Variants in CNTNAP2 observed in about 807,000 individuals in gnomAD.
CNTNAP2 encodes contactin associated protein 2.
A neutral mutation model predicts 155.2 loss-of-function variants in CNTNAP2; 98 were observed. That is an observed-to-expected ratio of 0.63 (90% CI 0.54 to 0.75). The LOEUF (loss-of-function observed/expected upper bound fraction) is 0.75. Ranked by LOEUF, CNTNAP2 falls within the 30% of genes least tolerant of loss-of-function variation. The pLI, the probability that CNTNAP2 is intolerant of heterozygous loss-of-function variation, is 0.00. For synonymous variants in CNTNAP2, 651 were observed against 631.2 expected (o/e 1.03, Z -0.47); for missense variants, 1,727 against 1,688.1 (o/e 1.02, Z -0.40).
intron 9 of CNTNAP2, among the ~76,000 whole-genome samples, chr7:147,301,337 T>G (rs1455573628): frequency 6.6e-6 from 1 of 152,186 alleles, no homozygotes; most frequent in East Asian, 1.9e-4. Context: ...AACTAATACA[T>G]TATGAGGACA....
At chr7:147,814,251 A>C (rs1798230821) in intron 13 of CNTNAP2, among the ~76,000 whole-genome samples, 1 of 152,204 alleles carries the variant, frequency 6.6e-6, no homozygotes, top group Non-Finnish European at 1.5e-5. Flanking sequence ...AAAGCTAAAC[A>C]AGGCATAAAA....
chr7:147,277,240 G>T (rs906609436), intron 8 of CNTNAP2, among the ~76,000 whole-genome samples: 3 of 151,800 alleles, frequency 2.0e-5, no homozygotes, highest in African/African-American at 7.3e-5. Flanking sequence ...ATATAAATAG[G>T]AACATTTAAG....
At chr7:146,296,186 A>G (rs1234830293) in intron 1 of CNTNAP2, among the ~76,000 whole-genome samples, 1 of 152,170 alleles carries the variant, frequency 6.6e-6, no homozygotes, top group African/African-American at 2.4e-5. Context: ...CCAGCAGAAC[A>G]GCGGACCCCA....
At chr7:147,493,023 T>A (rs1205718310) in intron 11 of CNTNAP2, among the ~76,000 whole-genome samples, 1 of 152,202 alleles carries the variant, frequency 6.6e-6, no homozygotes, top group Non-Finnish European at 1.5e-5. Flanking sequence ...CTTTTTAAAT[T>A]CAGAAAATGT....
chr7:147,478,047 G>A (rs1033814658), intron 10 of CNTNAP2, among the ~76,000 whole-genome samples: 1 of 152,158 alleles, frequency 6.6e-6, no homozygotes, highest in Non-Finnish European at 1.5e-5. Flanking sequence ...AATGTATTAT[G>A]TCATAATAAG....
At position 148,418,176 on chromosome 7, in the gene CNTNAP2, T is replaced by C. The variant is rs1800036789; in HGVS notation, c.*2560T>C. On this transcript the variant is annotated 3_prime_UTR_variant, in exon 24 of 24. Coordinates refer to ENST00000361727, the MANE Select transcript of CNTNAP2 (RefSeq NM_014141.6). ...TAACAAAAATCCCTACATCTGTTTA[T>C]GAAGGCCATATTCAGTACATTTTAA... The C allele has an allele frequency of 1.3e-5, 2 of 152,242 alleles. No individual in the cohort carries two copies. The highest frequency in any genetic ancestry group is 4.1e-4 in the South Asian group (2 of 4,836). 9.4% of individuals were successfully genotyped at this position (152,242 alleles called of 1,614,324 possible). A position where few individuals can be genotyped will look rare whatever the true frequency, so the allele number is the denominator to read the frequency against.
chr7:148,253,027 T>C (rs182421525), intron 20 of CNTNAP2, among the ~76,000 whole-genome samples: 27 of 114,942 alleles, frequency 2.3e-4, no homozygotes, highest in Non-Finnish European at 2.0e-4. Flanking sequence ...GATAGATAGA[T>C]AGATAGATAG....
chr7:146,826,865 G>GAGAGAGAGAGAGAGAGAGAGAGAC (rs1563248337), intron 2 of CNTNAP2, among the ~76,000 whole-genome samples: 14 of 150,810 alleles, frequency 9.3e-5, no homozygotes, highest in African/African-American at 3.4e-4. Context: ...TATAGAGAGA[G>GAGAGAGAGAGAGAGAGAGAGAGAC]AGAGAGAGAG....
intron 11 of CNTNAP2, among the ~76,000 whole-genome samples, chr7:147,504,430 G>T (rs7797732): frequency 0.49 from 74,086 of 151,806 alleles, 18,832 homozygotes; most frequent in Non-Finnish European, 0.57. Flanking sequence ...GGCTCACTTC[G>T]GTAATCCCAG....
At chr7:146,678,357 A>G (rs1327309276) in intron 1 of CNTNAP2, among the ~76,000 whole-genome samples, 2 of 152,172 alleles carry the variant, frequency 1.3e-5, no homozygotes, top group Non-Finnish European at 2.9e-5. Flanking sequence ...TACAGGCATC[A>G]GCTACCACAC....
chr7:148,336,250 C>G (rs1185583923), intron 21 of CNTNAP2, among the ~76,000 whole-genome samples: 1 of 151,976 alleles, frequency 6.6e-6, no homozygotes, highest in Non-Finnish European at 1.5e-5. Flanking sequence ...CAAGATAGCA[C>G]CTTAATTCTA....
At chr7:147,189,054 C>T (rs1204490661) in intron 8 of CNTNAP2, among the ~76,000 whole-genome samples, 1 of 152,142 alleles carries the variant, frequency 6.6e-6, no homozygotes, top group Non-Finnish European at 1.5e-5. Context: ...GAAAACAGAA[C>T]ACTTGACAAC....
intron 1 of CNTNAP2, among the ~76,000 whole-genome samples, chr7:146,696,877 T>G (rs897495685): frequency 3.3e-5 from 5 of 152,228 alleles, no homozygotes; most frequent in Non-Finnish European, 7.3e-5. Context: ...AACAGTATAC[T>G]TTAAATAACT....
intron 9 of CNTNAP2, among the ~76,000 whole-genome samples, chr7:147,337,488 G>A (rs1795684965): frequency 6.6e-6 from 1 of 152,270 alleles, no homozygotes; most frequent in Admixed American, 6.5e-5. Context: ...AAGTGAGAAA[G>A]GGGCCATATG....
At chr7:147,051,771 TA>T (rs112212406) in intron 4 of CNTNAP2, among the ~76,000 whole-genome samples, 9,815 of 152,134 alleles carry the variant, frequency 0.065, 419 homozygotes, top group Middle Eastern at 0.13. Context: ...TTAATAAGAA[TA>T]AAAACATTGA....
intron 13 of CNTNAP2, among the ~76,000 whole-genome samples, chr7:147,682,464 A>G (rs543870964): frequency 1.3e-5 from 2 of 152,090 alleles, no homozygotes; most frequent in Admixed American, 1.3e-4. Flanking sequence ...ATGTTAAAGT[A>G]GTGGAAAGTA....
At chr7:146,165,670 TC>T (rs1174729656) in intron 1 of CNTNAP2, among the ~76,000 whole-genome samples, 1 of 152,194 alleles carries the variant, frequency 6.6e-6, no homozygotes, top group Non-Finnish European at 1.5e-5. Flanking sequence ...TCAATTAAAA[TC>T]CCCACTTTAT....
chr7:148,285,535 A>G (rs1368318552), intron 21 of CNTNAP2, among the ~76,000 whole-genome samples: 1 of 152,268 alleles, frequency 6.6e-6, no homozygotes, highest in African/African-American at 2.4e-5. Flanking sequence ...TATGGAGGAC[A>G]GTGTATGTTG....
At chr7:147,276,046 T>C (rs766097051) in intron 8 of CNTNAP2, among the ~76,000 whole-genome samples, 4 of 152,078 alleles carry the variant, frequency 2.6e-5, no homozygotes, top group Non-Finnish European at 4.4e-5. Context: ...TATATGCTCT[T>C]GGATTTGGCT....
Sources: allele counts gnomAD v4.1 joint callset (sites outside exome capture counted in the v4.1 genomes callset), GRCh38; gene constraint gnomAD v4.1.1; transcripts MANE v1.5; gene names NCBI Gene and HGNC (gene_info 2026-07-23, HGNC 2026-07-21).